Variants in RIPOR2 observed in about 807,000 individuals in gnomAD.
RIPOR2 encodes RHO family interacting cell polarization regulator 2.
RIPOR2 carries 39 observed loss-of-function variants against 114.5 expected under a neutral mutation model. The ratio of observed to expected loss-of-function variants is 0.34; its 90% CI spans 0.26 to 0.44. The LOEUF is 0.44. Ranked by LOEUF, RIPOR2 falls within the 20% of genes least tolerant of loss-of-function variation. The pLI is 1.00. For synonymous variants in RIPOR2, 445 were observed against 484.4 expected (o/e 0.92, Z 1.07); for missense variants, 1,007 against 1,255.1 (o/e 0.80, Z 2.99).
chr6:25,041,778 A>G (rs918066975), intron 1 of RIPOR2: 1 of 677,938 alleles, frequency 1.5e-6, no homozygotes, highest in Non-Finnish European at 2.7e-6. Flanking sequence ...TGCAGAGGGC[A>G]AGAAATGAGT....
At chr6:24,830,408 C>T in intron 17 of RIPOR2, 101 bp downstream of exon 17, 2 of 927,806 alleles carry the variant, frequency 2.2e-6, no homozygotes, top group South Asian at 3.4e-5. Flanking sequence ...TGTTTCCCAT[C>T]TGCAGGCAAG....
intron 1 of RIPOR2, among the ~76,000 whole-genome samples, chr6:24,949,603 G>T (rs548493837): frequency 7.2e-5 from 11 of 152,348 alleles, no homozygotes; most frequent in African/African-American, 1.9e-4. Context: ...AGGTATGCCA[G>T]CTTGCTTTTT....
At chr6:24,966,849 C>T (rs2114231043) in intron 1 of RIPOR2, among the ~76,000 whole-genome samples, 1 of 152,252 alleles carries the variant, frequency 6.6e-6, no homozygotes, top group Non-Finnish European at 1.5e-5. Flanking sequence ...ATGCTATTAT[C>T]CTTCGAAGAG....
chr6:24,959,435 A>C (rs2114218131), intron 1 of RIPOR2, among the ~76,000 whole-genome samples: 1 of 152,338 alleles, frequency 6.6e-6, no homozygotes, highest in South Asian at 2.1e-4. Context: ...TAATGGAGGA[A>C]TGGTCTCATG....
At chr6:24,964,221 C>A (rs1336215119) in intron 1 of RIPOR2, among the ~76,000 whole-genome samples, 1 of 150,738 alleles carries the variant, frequency 6.6e-6, no homozygotes, top group Non-Finnish European at 1.5e-5. Context: ...CCTGTAACTA[C>A]CATCACAATT....
Position 24,873,890 on chromosome 6 carries a change from T to A in RIPOR2, c.189-91A>T. ...TCTTCTATTATTTACTTGTTTGTTTTAGAGACAAAGTCTTCTTCTGTCATC... is the reference window on the plus strand; with the variant it reads ...TCTTCTATTATTTACTTGTTTGTTTAAGAGACAAAGTCTTCTTCTGTCATC... On this transcript the variant is annotated intron_variant, in intron 2 of 21. Coordinates refer to ENST00000643898, the MANE Select transcript of RIPOR2 (RefSeq NM_001286445.3). 4 of 1,139,844 alleles carry A rather than the reference T, an allele frequency of 3.5e-6. 1 individual carries two copies. The South Asian group carries it at 6.1e-5, about 17-fold the overall frequency. The allele number at this position is 1,139,844 out of a possible 1,614,324, so 70.6% of individuals were successfully genotyped here. A position where few individuals can be genotyped will look rare whatever the true frequency, so the allele number is the denominator to read the frequency against.
chr6:24,944,194 C>T (rs1349903529), intron 1 of RIPOR2, among the ~76,000 whole-genome samples: 2 of 152,182 alleles, frequency 1.3e-5, no homozygotes, highest in African/African-American at 2.4e-5. Flanking sequence ...GGTCTGACCA[C>T]TGGCTAACCT....
chr6:24,992,172 A>G (rs1308497953), intron 1 of RIPOR2, among the ~76,000 whole-genome samples: 1 of 152,212 alleles, frequency 6.6e-6, no homozygotes, highest in Non-Finnish European at 1.5e-5. Context: ...AATGGTCACA[A>G]AACAAGGTAC....
intron 1 of RIPOR2, among the ~76,000 whole-genome samples, chr6:24,909,248 C>T (rs1004491260): frequency 3.3e-5 from 5 of 152,110 alleles, no homozygotes; most frequent in African/African-American, 4.8e-5. Context: ...GCTGCTGTTA[C>T]CCTAAGTTGG....
intron 1 of RIPOR2, among the ~76,000 whole-genome samples, chr6:24,927,756 A>G (rs931814971): frequency 6.6e-6 from 1 of 152,180 alleles, no homozygotes; most frequent in Non-Finnish European, 1.5e-5. Context: ...AGGGAATTGA[A>G]TCTTCTCAGG....
intron 1 of RIPOR2, among the ~76,000 whole-genome samples, chr6:24,978,185 T>C (rs1480107927): frequency 6.6e-6 from 1 of 152,176 alleles, no homozygotes; most frequent in African/African-American, 2.4e-5. Context: ...CTACGGGCTT[T>C]GTTTTTCAGG....
In RIPOR2 at chr6:24,825,216, A is replaced by G; in HGVS notation, c.2868+10T>C. 1 of 1,545,634 alleles carries G rather than the reference A, an allele frequency of 6.5e-7. No individual in the cohort carries two copies. The highest frequency in any genetic ancestry group is 1.4e-5 in the African/African-American group (1 of 73,076). ...GCTTCTGGCTTGATGGCCATGGTTT[A>G]GTGTCTTACCTTTTCCCTGAAATGC... On this transcript the variant is annotated intron_variant, in intron 19 of 21. Transcript: ENST00000643898.
intron 1 of RIPOR2, among the ~76,000 whole-genome samples, chr6:24,931,419 A>T (rs1329975905): frequency 6.6e-6 from 1 of 152,314 alleles, no homozygotes; most frequent in Middle Eastern, 3.4e-3. Flanking sequence ...TTCAAAAGTG[A>T]CTGCCAATTT....
chr6:25,017,923 T>C (rs1776094320), intron 1 of RIPOR2, among the ~76,000 whole-genome samples: 2 of 152,226 alleles, frequency 1.3e-5, no homozygotes, highest in Admixed American at 1.3e-4. Flanking sequence ...TCAACATTGA[T>C]ATTTTGGTTC....
intron 10 of RIPOR2, among the ~76,000 whole-genome samples, chr6:24,850,206 C>T (rs1762738897): frequency 6.6e-6 from 1 of 151,068 alleles, no homozygotes. Context: ...AAGTGATCCT[C>T]CCACCTCAGA....
In RIPOR2 at chr6:25,005,737, A is replaced by G. The variant is rs1322483674; in HGVS notation, c.76+36114T>C. ...TATATATATATATATATATATATAT[A>G]TATACATTTACCGATCAAAAGATAT... On this transcript the variant is annotated intron_variant, in intron 1 of 13. Transcript: ENST00000510784. Among the ~76,000 whole-genome samples the G allele has an allele frequency of 6.1e-4, 73 of 120,134 alleles. 3 individuals are homozygous for G. The highest frequency in any genetic ancestry group is 1.0e-3 in the Non-Finnish European group (56 of 55,414). 78.8% of individuals were successfully genotyped at this position (120,134 alleles called of 152,430 possible). A position where few individuals can be genotyped will look rare whatever the true frequency, so the allele number is the denominator to read the frequency against.
intron 1 of RIPOR2, chr6:25,041,726 A>C: frequency 1.6e-6 from 1 of 609,828 alleles, no homozygotes; most frequent in Non-Finnish European, 2.9e-6. Flanking sequence ...GGAGCACAGG[A>C]AAGTGGAAGA....
chr6:24,890,923 G>A lies in RIPOR2; in HGVS notation c.62-15106C>T, dbSNP rs9467343. On this transcript the variant is annotated intron_variant, in intron 1 of 21. Transcript: ENST00000643898. ...TACTGCCCCAGCCTAGGATTACTGG[G>A]GTGGGCCACTGCACCTGGCTCCCAT... Among the ~76,000 whole-genome samples the A allele has an allele frequency of 3.3e-3, 496 of 151,760 alleles. 3 individuals are homozygous for A. Among genetic ancestry groups the A allele is most frequent in the African/African-American group, 0.011 (465 of 41,316 alleles).
At chr6:24,826,087 T>C (rs7773439) in intron 18 of RIPOR2, among the ~76,000 whole-genome samples, 50,344 of 151,644 alleles carry the variant, frequency 0.33, 9,089 homozygotes, top group East Asian at 0.68. Flanking sequence ...CCACCACGCC[T>C]GGCTAATTGT....
Sources: gnomAD v4.1 joint callset for allele counts (sites outside exome capture counted in the v4.1 genomes callset) on GRCh38, gnomAD v4.1.1 for gene constraint, MANE v1.5 for transcripts, NCBI Gene and HGNC (gene_info 2026-07-23, HGNC 2026-07-21) for gene names.